Variants in ST6GALNAC3 observed in about 807,000 individuals in gnomAD.
ST6GALNAC3 encodes the protein ST6 N-acetylgalactosaminide alpha-2,6-sialyltransferase 3.
ST6GALNAC3 carries 25 observed loss-of-function variants against 32.7 expected under a neutral mutation model. That is an observed-to-expected ratio of 0.76 (90% CI 0.56 to 1.07). ST6GALNAC3 has a LOEUF of 1.07. ST6GALNAC3 is among the 50% of genes least tolerant of loss of function. The pLI is 0.00. For missense variants in ST6GALNAC3, 355 were observed against 382.4 expected (o/e 0.93, Z 0.60); for synonymous variants, 129 against 133.1 (o/e 0.97, Z 0.21).
At position 76,494,649 on chromosome 1, in the gene ST6GALNAC3, G is replaced by GCACACACACACA. The variant is rs35632611; in HGVS notation, c.623+82252_623+82263dup. ...ATAAAAATATATTTCATGTGTATGC[G>GCACACACACACA]CACACACACACACACACACACACAC... On this transcript the variant is annotated intron_variant, in intron 3 of 4. Transcript: ENST00000328299. 4.6e-3 allele frequency among the ~76,000 whole-genome samples: 311 copies of GCACACACACACA among 67,720 alleles called. 26 individuals are homozygous for GCACACACACACA. Among genetic ancestry groups the GCACACACACACA allele is most frequent in the African/African-American group, 0.018 (286 of 15,472 alleles). 44.4% of individuals were successfully genotyped at this position (67,720 alleles called of 152,430 possible).
At chr1:76,561,807 A>AT (rs1282180568) in intron 3 of ST6GALNAC3, among the ~76,000 whole-genome samples, 1 of 152,164 alleles carries the variant, frequency 6.6e-6, no homozygotes, top group Non-Finnish European at 1.5e-5. Context: ...TTTTACATGC[A>AT]TTTTCAAAGC....
intron 3 of ST6GALNAC3, among the ~76,000 whole-genome samples, chr1:76,615,577 T>A (rs1648239827): frequency 6.6e-6 from 1 of 152,198 alleles, no homozygotes; most frequent in Non-Finnish European, 1.5e-5. Context: ...CTCGGCTATT[T>A]TGCCAAGTTC....
At chr1:76,501,023 G>A (rs1272994054) in intron 3 of ST6GALNAC3, among the ~76,000 whole-genome samples, 1 of 152,300 alleles carries the variant, frequency 6.6e-6, no homozygotes, top group South Asian at 2.1e-4. Flanking sequence ...AGGTAGTGGG[G>A]GGAAGACCCC....
At chr1:76,174,890 A>C (rs1652754134) in intron 1 of ST6GALNAC3, among the ~76,000 whole-genome samples, 1 of 151,886 alleles carries the variant, frequency 6.6e-6, no homozygotes. Context: ...CTAGTCTTGA[A>C]CACCTGACCT....
intron 3 of ST6GALNAC3, among the ~76,000 whole-genome samples, chr1:76,610,796 T>C (rs1283187480): frequency 6.6e-6 from 1 of 152,048 alleles, no homozygotes; most frequent in Non-Finnish European, 1.5e-5. Flanking sequence ...CTTCACACAA[T>C]TAAGGGTTTA....
chr1:76,608,299 T>C (rs565970426), intron 3 of ST6GALNAC3, among the ~76,000 whole-genome samples: 8 of 152,156 alleles, frequency 5.3e-5, no homozygotes, highest in Non-Finnish European at 1.0e-4. Flanking sequence ...CAACAAATAT[T>C]TATTGAGCCT....
intron 1 of ST6GALNAC3, among the ~76,000 whole-genome samples, chr1:76,076,130 G>A (rs1390858374): frequency 1.3e-5 from 2 of 152,182 alleles, no homozygotes; most frequent in African/African-American, 4.8e-5. Flanking sequence ...CAGTATTACA[G>A]TATGGGGTAT....
chr1:76,617,201 C>T (rs1383615418), intron 3 of ST6GALNAC3, among the ~76,000 whole-genome samples: 1 of 152,174 alleles, frequency 6.6e-6, no homozygotes, highest in Non-Finnish European at 1.5e-5. Flanking sequence ...GGGTCTGATT[C>T]TCTCCTATAA....
chr1:76,216,689 C>T (rs1655483748), intron 1 of ST6GALNAC3, among the ~76,000 whole-genome samples: 1 of 152,210 alleles, frequency 6.6e-6, no homozygotes, highest in African/African-American at 2.4e-5. Context: ...CAGTTTCATG[C>T]AACCATTGAG....
At chr1:76,601,014 C>G (rs1270101606) in intron 3 of ST6GALNAC3, among the ~76,000 whole-genome samples, 5 of 151,992 alleles carry the variant, frequency 3.3e-5, no homozygotes, top group African/African-American at 1.2e-4. Flanking sequence ...AGGTAAGACT[C>G]CATCTCTACA....
In ST6GALNAC3 at chr1:76,407,175, A is replaced by C. The variant is rs1653894091; in HGVS notation, c.214-4833A>C. 2.0e-5 allele frequency among the ~76,000 whole-genome samples: 3 copies of C among 152,104 alleles called. No homozygotes were observed. The South Asian group carries it at 6.2e-4, about 31-fold the overall frequency. ...CCATTCCTTAGGCTTCTAAAACAGC[A>C]TACGAATTGACTCTAGTTGATCATG... On this transcript the variant is annotated intron_variant, in intron 2 of 4. Transcript: ENST00000328299.
At chr1:76,420,703 T>C (rs1011807882) in intron 3 of ST6GALNAC3, among the ~76,000 whole-genome samples, 1 of 152,120 alleles carries the variant, frequency 6.6e-6, no homozygotes, top group African/African-American at 2.4e-5. Context: ...AGTTTAGGCC[T>C]TCTTTACCTC....
In ST6GALNAC3 at chr1:76,313,805, A is replaced by G. The variant is rs750081561; in HGVS notation, c.19A>G (p.Arg7Gly). Residue 7 changes from arginine to glycine, a missense_variant and splice_region_variant, in exon 2 of 5, where the codon AGA becomes GGA. Coordinates refer to ENST00000328299, the MANE Select transcript of ST6GALNAC3 (RefSeq NM_152996.4). Reference sequence around the variant, plus strand: ...TTTTTGTTTTTTTAATGTTTTGTAGAGAAAGTCTGTGATTGCTGTGAGCTT... The same window carrying G: ...TTTTTGTTTTTTTAATGTTTTGTAGGGAAAGTCTGTGATTGCTGTGAGCTT... MACILKRKSVIAVSFIA... is the reference protein window; with the variant it reads MACILKGKSVIAVSFIA... The G allele has an allele frequency of 6.2e-7, 1 of 1,612,676 alleles. No individual in the cohort carries two copies. The highest frequency in any genetic ancestry group is 8.5e-7 in the Non-Finnish European group (1 of 1,179,342).
chr1:76,305,405 G>T (rs1167478358), intron 1 of ST6GALNAC3, among the ~76,000 whole-genome samples: 1 of 152,056 alleles, frequency 6.6e-6, no homozygotes, highest in Non-Finnish European at 1.5e-5. Flanking sequence ...AGTGGAACTA[G>T]AGAGGCAAGA....
intron 1 of ST6GALNAC3, among the ~76,000 whole-genome samples, chr1:76,239,046 A>G (rs1436365971): frequency 6.6e-6 from 1 of 151,696 alleles, no homozygotes; most frequent in Non-Finnish European, 1.5e-5. Flanking sequence ...TTGGCATAGA[A>G]TATAGGCAGA....
intron 1 of ST6GALNAC3, among the ~76,000 whole-genome samples, chr1:76,086,763 A>G (rs759412544): frequency 6.6e-6 from 1 of 152,182 alleles, no homozygotes; most frequent in Non-Finnish European, 1.5e-5. Flanking sequence ...AATATGAATC[A>G]TTGCTATGCC....
chr1:76,370,502 A>G (rs1441323928), intron 2 of ST6GALNAC3, among the ~76,000 whole-genome samples: 1 of 152,164 alleles, frequency 6.6e-6, no homozygotes, highest in Non-Finnish European at 1.5e-5. Flanking sequence ...TTTCTAACCT[A>G]AAGAAATGGT....
chr1:76,586,454 A>T (rs905894622), intron 3 of ST6GALNAC3, among the ~76,000 whole-genome samples: 5 of 152,174 alleles, frequency 3.3e-5, no homozygotes, highest in African/African-American at 1.2e-4. Flanking sequence ...TGAAAAAGAA[A>T]TATTGTCTTG....
intron 3 of ST6GALNAC3, among the ~76,000 whole-genome samples, chr1:76,614,104 T>G (rs527462331): frequency 6.6e-6 from 1 of 152,290 alleles, no homozygotes; most frequent in African/African-American, 2.4e-5. Flanking sequence ...TTCAACTAAT[T>G]TGGACAAATT....
Sources: gnomAD v4.1 joint callset for allele counts (sites outside exome capture counted in the v4.1 genomes callset) on GRCh38, gnomAD v4.1.1 for gene constraint, MANE v1.5 for transcripts, NCBI Gene and HGNC (gene_info 2026-07-23, HGNC 2026-07-21) for gene names.